The following ASIC2 variants were observed in gnomAD, a reference collection of about 807,000 sequenced individuals.
The protein encoded by ASIC2 is acid-sensing ion channel 2.
ASIC2 carries 25 observed loss-of-function variants against 57.3 expected under a neutral mutation model. That is an observed-to-expected ratio of 0.44 (90% CI 0.32 to 0.61). The LOEUF is 0.61. Ranked by LOEUF, ASIC2 falls within the 20% of genes least tolerant of loss-of-function variation. ASIC2 has a pLI of 0.06. For synonymous variants in ASIC2, 319 were observed against 307.5 expected (o/e 1.04, Z -0.39); for missense variants, 641 against 738.1 (o/e 0.87, Z 1.52).
chr17:33,616,432 T>TG (rs1170039531), intron 1 of ASIC2, among the ~76,000 whole-genome samples: 2 of 152,236 alleles, frequency 1.3e-5, no homozygotes, highest in African/African-American at 4.8e-5. Flanking sequence ...TGTTTCCAAA[T>TG]GTGAATCTTG....
At chr17:33,040,885 G>GT (rs2091927215) in intron 3 of ASIC2, among the ~76,000 whole-genome samples, 2 of 152,296 alleles carry the variant, frequency 1.3e-5, no homozygotes, top group South Asian at 4.1e-4. Context: ...CTGTTACCTT[G>GT]TTGGGGGCCT....
rs139063208 is a variant in ASIC2 at position 33,093,752 on chromosome 17, A to C, written c.860-4762T>G. ...GGAGGAGGCAGGAGCAATAGGCAGA[A>C]TGCATAACGGGGCAGGGAAAGTGCA... is the stretch of plus-strand genomic sequence containing the variant. On this transcript the variant is annotated intron_variant, in intron 2 of 9. Coordinates refer to ENST00000225823, the MANE Select transcript of ASIC2 (RefSeq NM_183377.2). 2.0e-5 allele frequency among the ~76,000 whole-genome samples: 3 copies of C among 152,330 alleles called. No individual in the cohort carries two copies. In the East Asian group the frequency reaches 5.8e-4, roughly 29 times the overall value.
At chr17:34,097,359 G>C (rs766943163) in intron 1 of ASIC2, among the ~76,000 whole-genome samples, 2 of 152,154 alleles carry the variant, frequency 1.3e-5, no homozygotes, top group Non-Finnish European at 2.9e-5. Context: ...TAGGAGTGGA[G>C]GGGGTGGGAG....
chr17:33,140,115 C>T (rs1337246835), intron 1 of ASIC2, among the ~76,000 whole-genome samples: 2 of 152,226 alleles, frequency 1.3e-5, no homozygotes, highest in Non-Finnish European at 2.9e-5. Flanking sequence ...GAACCAGACT[C>T]TCTGATAATA....
chr17:34,036,024 C>T (rs967531399), intron 1 of ASIC2, among the ~76,000 whole-genome samples: 7 of 151,506 alleles, frequency 4.6e-5, no homozygotes, highest in South Asian at 2.1e-4. Context: ...CCAGCCATCC[C>T]ATAATCCAAA....
intron 1 of ASIC2, among the ~76,000 whole-genome samples, chr17:33,113,152 G>C (rs913074934): frequency 1.3e-5 from 2 of 152,160 alleles, no homozygotes; most frequent in Non-Finnish European, 2.9e-5. Context: ...CCCAGGGAAA[G>C]GAATGCAGAG....
intron 1 of ASIC2, among the ~76,000 whole-genome samples, chr17:33,134,822 G>A (rs1197953876): frequency 2.7e-5 from 4 of 149,500 alleles, no homozygotes; most frequent in Admixed American, 6.6e-5. Context: ...CTGCCCCAAA[G>A]GTTGCTCCAC....
At chr17:33,342,882 T>G (rs1230309062) in intron 1 of ASIC2, among the ~76,000 whole-genome samples, 1 of 152,144 alleles carries the variant, frequency 6.6e-6, no homozygotes, top group Non-Finnish European at 1.5e-5. Flanking sequence ...ATGGCCAGGA[T>G]AGAGCCAGGT....
chr17:33,771,372 G>A (rs1911104392), intron 1 of ASIC2, among the ~76,000 whole-genome samples: 1 of 152,184 alleles, frequency 6.6e-6, no homozygotes, highest in Non-Finnish European at 1.5e-5. Flanking sequence ...CTGTCTCACT[G>A]CCCTGCATTC....
At chr17:33,232,556 C>T (rs780593405) in intron 1 of ASIC2, among the ~76,000 whole-genome samples, 9 of 151,978 alleles carry the variant, frequency 5.9e-5, no homozygotes, top group Non-Finnish European at 1.0e-4. Flanking sequence ...CATTTATAAA[C>T]AGCATCTAAA....
chr17:33,319,241 C>A (rs1185466616), intron 1 of ASIC2, among the ~76,000 whole-genome samples: 2 of 147,822 alleles, frequency 1.4e-5, no homozygotes, highest in East Asian at 2.1e-4. Context: ...AAAAAATAAA[C>A]CCCCAAAAAC....
chr17:33,448,836 G>A (rs1225507662), intron 1 of ASIC2, among the ~76,000 whole-genome samples: 1 of 152,218 alleles, frequency 6.6e-6, no homozygotes, highest in Non-Finnish European at 1.5e-5. Context: ...CATAGATGCA[G>A]AATGGACTAG....
intron 1 of ASIC2, among the ~76,000 whole-genome samples, chr17:33,182,506 C>T (rs935181480): frequency 6.6e-6 from 1 of 152,138 alleles, no homozygotes; most frequent in African/African-American, 2.4e-5. Flanking sequence ...GTTGAACCAC[C>T]ATCAAGAAAA....
chr17:33,835,167 T>C (rs1356108964), intron 1 of ASIC2, among the ~76,000 whole-genome samples: 1 of 152,224 alleles, frequency 6.6e-6, no homozygotes, highest in Non-Finnish European at 1.5e-5. Context: ...TCAAGGGGGT[T>C]GGCTCTGGGG....
At chr17:33,188,144 GA>G (rs1457412814) in intron 1 of ASIC2, among the ~76,000 whole-genome samples, 2 of 151,960 alleles carry the variant, frequency 1.3e-5, no homozygotes, top group African/African-American at 2.4e-5. Flanking sequence ...AGGACCCAAA[GA>G]AAAGTTTTAG....
At chr17:33,945,193 G>A (rs577623180) in intron 1 of ASIC2, among the ~76,000 whole-genome samples, 1 of 152,224 alleles carries the variant, frequency 6.6e-6, no homozygotes, top group South Asian at 2.1e-4. Flanking sequence ...TCCCGAACCT[G>A]TTTTTCCATC....
At chr17:33,264,717 G>A (rs11658830) in intron 1 of ASIC2, among the ~76,000 whole-genome samples, 1 of 152,270 alleles carries the variant, frequency 6.6e-6, no homozygotes, top group Non-Finnish European at 1.5e-5. Context: ...GGCTAACTCA[G>A]TTCCCTTCTC....
intron 1 of ASIC2, among the ~76,000 whole-genome samples, chr17:33,247,039 A>G (rs1354986445): frequency 6.6e-6 from 1 of 152,260 alleles, no homozygotes; most frequent in Admixed American, 6.5e-5. Flanking sequence ...AAATGAATAA[A>G]TGTTTATCTA....
intron 1 of ASIC2, among the ~76,000 whole-genome samples, chr17:33,506,153 G>A (rs112204776): frequency 0.09 from 13,578 of 151,414 alleles, 973 homozygotes; most frequent in African/African-American, 0.2. Context: ...CCAGCACTTC[G>A]GGAGGCCGAG....
Sources: allele counts gnomAD v4.1 joint callset (sites outside exome capture counted in the v4.1 genomes callset), GRCh38; gene constraint gnomAD v4.1.1; transcripts MANE v1.5; gene names NCBI Gene and HGNC (gene_info 2026-07-23, HGNC 2026-07-21).